GPM6A: variants seen among roughly 807,000 people sequenced by gnomAD.
GPM6A encodes the protein glycoprotein M6A.
Under a neutral mutation model 32.1 loss-of-function variants are expected in GPM6A, and 7 were observed. The observed-to-expected ratio is 0.22, with a 90% CI of 0.12 to 0.41. GPM6A has a LOEUF of 0.41. Ranked by LOEUF, GPM6A falls within the 10% of genes least tolerant of loss-of-function variation. GPM6A has a pLI of 1.00. For missense variants in GPM6A, 235 were observed against 347.2 expected, an observed-to-expected ratio of 0.68 and a Z score of 2.57; for synonymous variants, 130 against 123.4, an observed-to-expected ratio of 1.05 and a Z score of -0.35.
At chr4:175,946,531 G>A (rs931408289) in intron 1 of GPM6A, among the ~76,000 whole-genome samples, 1 of 152,176 alleles carries the variant, frequency 6.6e-6, no homozygotes. Flanking sequence ...GTGATGTGAT[G>A]AAGATGAACT....
chr4:175,753,011 T>C (rs1326014308), intron 1 of GPM6A, among the ~76,000 whole-genome samples: 1 of 152,178 alleles, frequency 6.6e-6, no homozygotes, highest in African/African-American at 2.4e-5. Flanking sequence ...TCCCATGCGC[T>C]GAAACATAGT....
intron 1 of GPM6A, among the ~76,000 whole-genome samples, chr4:175,705,904 G>A (rs1745162309): frequency 6.6e-6 from 1 of 151,610 alleles, no homozygotes; most frequent in Non-Finnish European, 1.5e-5. Context: ...ATAAAAATAG[G>A]CCCATTAATT....
intron 2 of GPM6A, among the ~76,000 whole-genome samples, chr4:175,680,361 C>T (rs576733435): frequency 3.3e-5 from 5 of 152,182 alleles, no homozygotes; most frequent in Non-Finnish European, 5.9e-5. Context: ...GGTTTAATTC[C>T]ATAATAAATC....
intron 1 of GPM6A, among the ~76,000 whole-genome samples, chr4:175,704,344 C>T (rs969776345): frequency 7.9e-5 from 12 of 151,896 alleles, no homozygotes; most frequent in Middle Eastern, 3.4e-3. Context: ...CACACGTGCA[C>T]GTGTGCACGC....
chr4:175,818,474 T>C (rs1372153112), intron 1 of GPM6A, among the ~76,000 whole-genome samples: 1 of 152,254 alleles, frequency 6.6e-6, no homozygotes, highest in Non-Finnish European at 1.5e-5. Flanking sequence ...GTCAGTTCTA[T>C]ATATATGTAT....
intron 1 of GPM6A, among the ~76,000 whole-genome samples, chr4:175,876,713 A>C (rs1737095118): frequency 6.6e-6 from 1 of 152,198 alleles, no homozygotes; most frequent in African/African-American, 2.4e-5. Context: ...AATGCCAAGA[A>C]TGAGGAGGAG....
In GPM6A at chr4:175,840,415, C is replaced by A. The variant is rs888582967; in HGVS notation, c.-22-28166G>T. The stretch of plus-strand genomic sequence containing the variant: ...AATGCAGTCCGGGTGCGGTGGCTCA[C>A]GCCTGTAATCCCAGCACTTTGGGAG... On this transcript the variant is annotated intron_variant, in intron 1 of 7. Transcript: ENST00000280187. Among the ~76,000 whole-genome samples, 6 of 152,332 alleles carry A rather than the reference C, an allele frequency of 3.9e-5. No individual in the cohort carries two copies. In the East Asian group the frequency reaches 7.7e-4, roughly 20 times the overall value.
chr4:175,787,348 T>A (rs1242896916), intron 1 of GPM6A: 3 of 1,533,742 alleles, frequency 2.0e-6, no homozygotes, highest in Non-Finnish European at 2.6e-6. Context: ...TCCAGGTCTG[T>A]CATAAAAGTG....
chr4:175,667,489 C>T lies in GPM6A; in HGVS notation c.387+6191G>A, dbSNP rs541145280. ...GACAATTAAATGTAATATGGTATCC[C>T]GAATGGGATACTGAAACAGGAAAAG... On this transcript the variant is annotated intron_variant, in intron 3 of 6. Coordinates refer to ENST00000393658, the MANE Select transcript of GPM6A (RefSeq NM_201591.3). Among the ~76,000 whole-genome samples, 11 of 151,992 alleles carry T rather than the reference C, an allele frequency of 7.2e-5. No individual in the cohort carries two copies. The East Asian group carries it at 1.7e-3, about 24-fold the overall frequency.
intron 1 of GPM6A, among the ~76,000 whole-genome samples, chr4:175,767,994 G>C (rs1733040171): frequency 6.6e-6 from 1 of 152,202 alleles, no homozygotes; most frequent in African/African-American, 2.4e-5. Flanking sequence ...TTTAGAGGCT[G>C]CTGCATTTAG....
chr4:175,933,928 T>C (rs989052060), intron 1 of GPM6A, among the ~76,000 whole-genome samples: 4 of 152,206 alleles, frequency 2.6e-5, no homozygotes, highest in African/African-American at 9.6e-5. Flanking sequence ...TGTGAATACA[T>C]ACAATGGGAT....
At chr4:175,746,409 A>C (rs1440746337) in intron 1 of GPM6A, among the ~76,000 whole-genome samples, 1 of 152,192 alleles carries the variant, frequency 6.6e-6, no homozygotes, top group African/African-American at 2.4e-5. Flanking sequence ...CCTGTATATA[A>C]ATGTACAAAA....
intron 1 of GPM6A, among the ~76,000 whole-genome samples, chr4:175,996,250 A>G (rs1464543188): frequency 6.6e-6 from 1 of 152,218 alleles, no homozygotes; most frequent in Non-Finnish European, 1.5e-5. Flanking sequence ...AGTATTAATA[A>G]TAAAAGGAGA....
chr4:175,926,820 T>C (rs972399272), intron 1 of GPM6A, among the ~76,000 whole-genome samples: 1 of 152,202 alleles, frequency 6.6e-6, no homozygotes, highest in Non-Finnish European at 1.5e-5. Context: ...GTACTAATTT[T>C]GATTTTAATA....
chr4:175,863,435 A>G (rs1372266812), intron 1 of GPM6A, among the ~76,000 whole-genome samples: 4 of 152,186 alleles, frequency 2.6e-5, no homozygotes, highest in Admixed American at 2.6e-4. Context: ...ATTGGTGAAT[A>G]GTATTCCATT....
chr4:175,874,358 G>A (rs191269787), intron 1 of GPM6A, among the ~76,000 whole-genome samples: 33 of 152,268 alleles, frequency 2.2e-4, no homozygotes, highest in Admixed American at 7.9e-4. Context: ...AGCTGAAAAG[G>A]GAACTATTTT....
intron 1 of GPM6A, among the ~76,000 whole-genome samples, chr4:175,773,056 A>T (rs2111236280): frequency 6.6e-6 from 1 of 152,340 alleles, no homozygotes; most frequent in South Asian, 2.1e-4. Flanking sequence ...CTTCATTTTG[A>T]AAAACCTCAT....
chr4:175,724,094 T>G (rs1011756451), intron 1 of GPM6A, among the ~76,000 whole-genome samples: 10 of 152,114 alleles, frequency 6.6e-5, no homozygotes, highest in African/African-American at 2.4e-4. Context: ...AAGGATATGG[T>G]GTACATACAC....
At chr4:175,667,326 T>A (rs545324013) in intron 3 of GPM6A, among the ~76,000 whole-genome samples, 6 of 152,228 alleles carry the variant, frequency 3.9e-5, no homozygotes, top group Non-Finnish European at 5.9e-5. Flanking sequence ...CCCAATCTAA[T>A]CATGAGAAAA....
Sources: allele counts gnomAD v4.1 joint callset (sites outside exome capture counted in the v4.1 genomes callset), GRCh38; gene constraint gnomAD v4.1.1; transcripts MANE v1.5; gene names NCBI Gene and HGNC (gene_info 2026-07-23, HGNC 2026-07-21).